The following COL7A1 variants were observed in gnomAD, a reference collection of about 807,000 sequenced individuals.
COL7A1 encodes the protein collagen alpha-1(VII) chain.
In COL7A1, 296 loss-of-function variants were observed where a neutral mutation model predicts 456.2. The observed-to-expected ratio is 0.65, with a 90% confidence interval of 0.59 to 0.71. The LOEUF is 0.71. Ranked by LOEUF, COL7A1 falls within the 30% of genes least tolerant of loss-of-function variation. The pLI, the probability that COL7A1 is intolerant of heterozygous loss-of-function variation, is 0.00. For missense variants in COL7A1, 3,441 were observed against 4,017.2 expected (o/e 0.86, Z 3.88); for synonymous variants, 1,464 against 1,525.9 (o/e 0.96, Z 0.95).
Position 48,573,482 on chromosome 3 carries a change from C to T in COL7A1, c.6618+31G>A. 6.2e-7 allele frequency: 1 copy of T among 1,613,792 alleles called. No homozygotes were observed. The highest frequency in any genetic ancestry group is 1.1e-5 in the South Asian group (1 of 91,078). On this transcript the variant is annotated intron_variant, in intron 83 of 118. Transcript: ENST00000681320. This position sits in a 1 kb window ranked among gnomAD's most constrained non-coding sequence, Gnocchi z 5.5. Reference sequence around the variant, plus strand: ...AGGCATGGACACAGCTTGAAGGAGCCTCCTCCTCCTATCCACACACCTAGA... The same window carrying T: ...AGGCATGGACACAGCTTGAAGGAGCTTCCTCCTCCTATCCACACACCTAGA...
At chr3:48,577,435 C>T (rs923207741) in intron 65 of COL7A1, among the ~76,000 whole-genome samples, 3 of 152,226 alleles carry the variant, frequency 2.0e-5, no homozygotes, top group East Asian at 1.9e-4. Flanking sequence ...ATACATGTCT[C>T]CAAAGAGCAT....
chr3:48,588,324 C>A lies in COL7A1; in HGVS notation c.2668G>T (p.Val890Leu), dbSNP rs1311321296. 1.2e-6 allele frequency: 2 copies of A among 1,612,788 alleles called. No individual in the cohort carries two copies. Among genetic ancestry groups the A allele is most frequent in the Non-Finnish European group, 1.7e-6 (2 of 1,180,012 alleles). The change falls in exon 21 of 119, where the codon GTG becomes TTG. Residue 890 changes from valine to leucine, a missense_variant. Val to Leu is a conservative substitution (Grantham distance 32). Around this residue, in one of 3 missense-constraint regions of COL7A1, gnomAD observed 444 missense variants for 427.6 expected, o/e 1.04. Coordinates refer to ENST00000681320, the MANE Select transcript of COL7A1 (RefSeq NM_000094.4). The surrounding 1 kb of genome is among the most constrained non-coding windows in gnomAD (Gnocchi z 4.6). ...EHSLRLRWEP[V>L]PRAQGFLLHW... ...AGAAGGAAGCCCTGCGCTCTGGGCA[C>A]CGGCTCCCAGCGCAGCCTCAGCGAG...
rs1203236480 is a variant in COL7A1 at position 48,566,639 on chromosome 3, A to C, written c.8304+21T>G. 1.9e-6 allele frequency: 3 copies of C among 1,614,128 alleles called. No individual in the cohort carries two copies. Among genetic ancestry groups the C allele is most frequent in the Non-Finnish European group, 2.5e-6 (3 of 1,179,994 alleles). On this transcript the variant is annotated intron_variant, in intron 112 of 118. Coordinates refer to ENST00000681320, the MANE Select transcript of COL7A1 (RefSeq NM_000094.4). The surrounding 1 kb of genome is among the most constrained non-coding windows in gnomAD (Gnocchi z 5.9). ...AGAAGTCACCCCGATCTCTGACCCA[A>C]GCCTTGGAATCCCTACTCACCTGCT...
In COL7A1 at chr3:48,573,928, C is replaced by T. The variant is rs1362579783; in HGVS notation, c.6502-38G>A. The T allele has an allele frequency of 1.2e-6, 2 of 1,611,046 alleles. No homozygotes were observed. The highest frequency in any genetic ancestry group is 1.7e-6 in the Non-Finnish European group (2 of 1,179,272). On this transcript the variant is annotated intron_variant, in intron 80 of 118. Coordinates refer to ENST00000681320, the MANE Select transcript of COL7A1 (RefSeq NM_000094.4). This position sits in a 1 kb window ranked among gnomAD's most constrained non-coding sequence, Gnocchi z 5.5. ...GGCACTGATGAGCCTCAATCTGGGC[C>T]TCACTTGGGCCTGTTCCCAACCTCT...
chr3:48,591,854 C>T lies in COL7A1; in HGVS notation c.1358-32G>A, dbSNP rs1172659769. The T allele has an allele frequency of 6.2e-7, 1 of 1,614,192 alleles. No individual in the cohort carries two copies. Among genetic ancestry groups the T allele is most frequent in the South Asian group, 1.1e-5 (1 of 91,080 alleles). ...GATAACAGGGTCAGACCAGCAGAGGCCATGCCCTGACCCTTGCCTGTCCAT... is the reference window on the plus strand; with the variant it reads ...GATAACAGGGTCAGACCAGCAGAGGTCATGCCCTGACCCTTGCCTGTCCAT... On this transcript the variant is annotated intron_variant, in intron 11 of 118. Coordinates refer to ENST00000681320, the MANE Select transcript of COL7A1 (RefSeq NM_000094.4). This position sits in a 1 kb window ranked among gnomAD's most constrained non-coding sequence, Gnocchi z 7.0.
Position 48,569,572 on chromosome 3 carries a change from C to A in COL7A1, c.7614+20G>T, listed in dbSNP as rs544920947. On this transcript the variant is annotated intron_variant, in intron 102 of 118. Transcript: ENST00000681320. This position sits in a 1 kb window ranked among gnomAD's most constrained non-coding sequence, Gnocchi z 4.9. The stretch of plus-strand genomic sequence containing the variant: ...CTCTCGCACCCAGGGGAGACCCAGT[C>A]CACACGTGGGCCCACTCACCATGTC... The A allele has an allele frequency of 4.4e-5, 71 of 1,613,736 alleles. No homozygotes were observed. The East Asian group carries it at 1.4e-3, about 33-fold the overall frequency.
chr3:48,565,378 C>T lies in COL7A1; in HGVS notation c.8527+32G>A, dbSNP rs1045246092. ...CCCATGTGCGTGTCTCGGCCCCACC[C>T]ATAGCTGCCCCACGGGTTCAGCTGT... On this transcript the variant is annotated intron_variant, in intron 116 of 118. Coordinates refer to ENST00000681320, the MANE Select transcript of COL7A1 (RefSeq NM_000094.4). The surrounding 1 kb of genome is among the most constrained non-coding windows in gnomAD (Gnocchi z 4.5). The T allele has an allele frequency of 6.3e-7, 1 of 1,582,986 alleles. No homozygotes were observed. Among genetic ancestry groups the T allele is most frequent in the Non-Finnish European group, 8.6e-7 (1 of 1,163,876 alleles).
chr3:48,593,423 C>T lies in COL7A1; in HGVS notation c.453G>A (p.Lys151=). 1 of 1,614,130 alleles carries T rather than the reference C, an allele frequency of 6.2e-7. No individual in the cohort carries two copies. The highest frequency in any genetic ancestry group is 8.5e-7 in the Non-Finnish European group (1 of 1,180,044). ...PKVCILITDG[K]SQDLVDTAAQ... is the part of the protein sequence containing the mutation. ...CAGCTGTGTCCACCAGGTCCTGGGA[C>T]TTCCCGTCTGTGATCAGGATGCAGA... is the stretch of plus-strand genomic sequence containing the variant. The change falls in exon 5 of 119, where the codon AAG becomes AAA. Residue 151 remains lysine, a synonymous_variant. Transcript: ENST00000681320. This position sits in a 1 kb window ranked among gnomAD's most constrained non-coding sequence, Gnocchi z 4.4.
Position 48,594,649 on chromosome 3 carries a change from C to T in COL7A1, c.86-101G>A. ...GACTTGGGATGGTGGGGAGAGTAGG[C>T]CTCATCTTATGCAAACCAGGGCCGA... is the stretch of plus-strand genomic sequence containing the variant. On this transcript the variant is annotated intron_variant, in intron 2 of 118. Coordinates refer to ENST00000681320, the MANE Select transcript of COL7A1 (RefSeq NM_000094.4). This position sits in a 1 kb window ranked among gnomAD's most constrained non-coding sequence, Gnocchi z 5.5. 2 of 1,387,810 alleles carry T rather than the reference C, an allele frequency of 1.4e-6. No individual in the cohort carries two copies. The highest frequency in any genetic ancestry group is 2.0e-6 in the Non-Finnish European group (2 of 1,019,014). The allele number at this position is 1,387,810 out of a possible 1,614,324, so 86.0% of individuals were successfully genotyped here. A position where few individuals can be genotyped will look rare whatever the true frequency, so the allele number is the denominator to read the frequency against.
Position 48,581,626 on chromosome 3 carries a change from G to A in COL7A1, c.4729C>T (p.Pro1577Ser). The A allele has an allele frequency of 6.2e-7, 1 of 1,614,186 alleles. No individual in the cohort carries two copies. Among genetic ancestry groups the A allele is most frequent in the Non-Finnish European group, 8.5e-7 (1 of 1,180,038 alleles). Reference protein sequence around the residue: ...ATGVQGERGPPGLVLPGDPGP... With the variant: ...ATGVQGERGPSGLVLPGDPGP... ...GGGTCTCCAGGAAGAACCAAGCCGG[G>A]TGGGCCCTGTGGATGGAAGGATAAG... is the stretch of plus-strand genomic sequence containing the variant. Residue 1577 changes from proline to serine, a missense_variant, in exon 50 of 119, where the codon CCC becomes TCC. Pro to Ser is a moderately conservative substitution (Grantham distance 74). Transcript: ENST00000681320. The surrounding 1 kb of genome is among the most constrained non-coding windows in gnomAD (Gnocchi z 5.8).
In COL7A1 at chr3:48,586,905, T is replaced by C; in HGVS notation, c.3276+67A>G. ...AACCTATTGGGTGGTCAGGAGATGGTAACTGGTATGGAGCCTGGGTGGGGG... is the reference window on the plus strand; with the variant it reads ...AACCTATTGGGTGGTCAGGAGATGGCAACTGGTATGGAGCCTGGGTGGGGG... On this transcript the variant is annotated intron_variant, in intron 25 of 118. Coordinates refer to ENST00000681320, the MANE Select transcript of COL7A1 (RefSeq NM_000094.4). The surrounding 1 kb of genome is among the most constrained non-coding windows in gnomAD (Gnocchi z 5.1). The C allele has an allele frequency of 1.3e-6, 2 of 1,553,080 alleles. No individual in the cohort carries two copies. Among genetic ancestry groups the C allele is most frequent in the South Asian group, 1.2e-5 (1 of 84,246 alleles).
At position 48,593,054 on chromosome 3, in the gene COL7A1, T is replaced by C. The variant is rs773878366; in HGVS notation, c.682+48A>G. 6.2e-7 allele frequency: 1 copy of C among 1,613,686 alleles called. No homozygotes were observed. Among genetic ancestry groups the C allele is most frequent in the African/African-American group, 1.3e-5 (1 of 74,850 alleles). ...GGAATCAGCACTGCCAAGTGGGGAT[T>C]GGGGTCCGGGGTCTAGGTCAGGGTA... On this transcript the variant is annotated intron_variant, in intron 6 of 118. Coordinates refer to ENST00000681320, the MANE Select transcript of COL7A1 (RefSeq NM_000094.4). This position sits in a 1 kb window ranked among gnomAD's most constrained non-coding sequence, Gnocchi z 4.4.
chr3:48,566,701 C>G lies in COL7A1; in HGVS notation c.8263G>C (p.Ala2755Pro), dbSNP rs1280437374. 6.2e-7 allele frequency: 1 copy of G among 1,613,820 alleles called. No individual in the cohort carries two copies. The highest frequency in any genetic ancestry group is 1.3e-5 in the African/African-American group (1 of 74,872). ...CCAGGAGCTCCAGGGACCCCAGGAG[C>G]CCCCACCACTCTCTCTCCGGGGGGA... ...RGPPGERVVG[A>P]PGVPGAPGER... Residue 2755 changes from alanine to proline, a missense_variant, in exon 112 of 119, where the codon GCT (alanine) becomes CCT (proline). Physicochemically the swap from Ala to Pro is conservative, Grantham distance 27. Around this residue, in one of 3 missense-constraint regions of COL7A1, gnomAD observed 2,084 missense variants for 2,501.3 expected, o/e 0.83. Coordinates refer to ENST00000681320, the MANE Select transcript of COL7A1 (RefSeq NM_000094.4). The surrounding 1 kb of genome is among the most constrained non-coding windows in gnomAD (Gnocchi z 5.9).
At chr3:48,582,007 T>C (rs2044795692) in intron 47 of COL7A1, 64 bp from the exon 48 acceptor site, 5 of 1,608,262 alleles carry the variant, frequency 3.1e-6, no homozygotes, top group Admixed American at 3.3e-5. Context: ...AAAGTCTTCA[T>C]TGGAATGGAG....
rs1407550359 is a variant in COL7A1, at chr3:48,566,136, CAT to C, written c.8407+129_8407+130del. 9.7e-5 allele frequency: 94 copies of C among 964,770 alleles called. No individual in the cohort carries two copies. Among genetic ancestry groups the C allele is most frequent in the Non-Finnish European group, 1.4e-4 (85 of 619,746 alleles). 59.8% of individuals were successfully genotyped at this position (964,770 alleles called of 1,614,324 possible). A position where few individuals can be genotyped will look rare whatever the true frequency, so the allele number is the denominator to read the frequency against. On this transcript the variant is annotated intron_variant, in intron 114 of 118. Coordinates refer to ENST00000681320, the MANE Select transcript of COL7A1 (RefSeq NM_000094.4). The surrounding 1 kb of genome is among the most constrained non-coding windows in gnomAD (Gnocchi z 5.9). ...CATGTCATGTGTCAGTCCTGCAGCA[CAT>C]GTGTCCTTCTGTGTATCCATCCATC...
Position 48,568,933 on chromosome 3 carries a change from T to C in COL7A1, c.7687-78A>G. 7.1e-7 allele frequency: 1 copy of C among 1,417,250 alleles called. No individual in the cohort carries two copies. Among genetic ancestry groups the C allele is most frequent in the Non-Finnish European group, 9.7e-7 (1 of 1,028,180 alleles). The allele number at this position is 1,417,250 out of a possible 1,614,324, so 87.8% of individuals were successfully genotyped here. A position where few individuals can be genotyped will look rare whatever the true frequency, so the allele number is the denominator to read the frequency against. On this transcript the variant is annotated intron_variant, in intron 103 of 118. Coordinates refer to ENST00000681320, the MANE Select transcript of COL7A1 (RefSeq NM_000094.4). This position sits in a 1 kb window ranked among gnomAD's most constrained non-coding sequence, Gnocchi z 5.2. ...CTTAGAATACAACGAGCCCGCCAGCTGGGGCAGAGCTCAAGTCACTCCCGA... is the reference window on the plus strand; with the variant it reads ...CTTAGAATACAACGAGCCCGCCAGCCGGGGCAGAGCTCAAGTCACTCCCGA...
rs750288565 is a variant in COL7A1 at position 48,584,532 on chromosome 3, C to T, written c.4072G>A (p.Gly1358Ser). The T allele has an allele frequency of 6.2e-7, 1 of 1,614,124 alleles. No homozygotes were observed. Among genetic ancestry groups the T allele is most frequent in the Non-Finnish European group, 8.5e-7 (1 of 1,180,002 alleles). The change falls in exon 36 of 119, where the codon GGT becomes AGT. Residue 1358 changes from glycine to serine, a missense_variant. This residue lies in a region of COL7A1 where 2,084 missense variants were observed against 2,501.3 expected (regional missense o/e 0.83). Transcript: ENST00000681320. ...CGCCCAGGAAGCCCAGGTCCTTCAC[C>T]TCCGATGACTTGTCCGGGAGCCCCC... The part of the protein sequence containing the change: ...EPGAPGQVIG[G>S]EGPGLPGRKG...
rs202093558 is a variant in COL7A1 at position 48,593,320 on chromosome 3, C to T, written c.520+36G>A. On this transcript the variant is annotated intron_variant, in intron 5 of 118. Coordinates refer to ENST00000681320, the MANE Select transcript of COL7A1 (RefSeq NM_000094.4). The surrounding 1 kb of genome is among the most constrained non-coding windows in gnomAD (Gnocchi z 4.4). ...CCACATGCTCTCTGACTGCCCCCACCCCCCAGCTGACCTGTCACTCCTGCT... is the reference window on the plus strand; with the variant it reads ...CCACATGCTCTCTGACTGCCCCCACTCCCCAGCTGACCTGTCACTCCTGCT... 5.6e-5 allele frequency: 91 copies of T among 1,613,950 alleles called. No individual in the cohort carries two copies. In the African/African-American group the frequency reaches 1.1e-3, roughly 20 times the overall value.
Position 48,568,945 on chromosome 3 carries a change from C to T in COL7A1, c.7687-90G>A. 1 of 1,309,756 alleles carries T rather than the reference C, an allele frequency of 7.6e-7. No homozygotes were observed. The highest frequency in any genetic ancestry group is 1.5e-5 in the African/African-American group (1 of 68,440). 81.1% of individuals were successfully genotyped at this position (1,309,756 alleles called of 1,614,324 possible). A position where few individuals can be genotyped will look rare whatever the true frequency, so the allele number is the denominator to read the frequency against. ...CGAGCCCGCCAGCTGGGGCAGAGCT[C>T]AAGTCACTCCCGAACGGCCCTAGCA... On this transcript the variant is annotated intron_variant, in intron 103 of 118. Transcript: ENST00000681320. This position sits in a 1 kb window ranked among gnomAD's most constrained non-coding sequence, Gnocchi z 5.2.
Sources: gnomAD v4.1 joint callset for allele counts (sites outside exome capture counted in the v4.1 genomes callset) on GRCh38, gnomAD v4.1.1 for gene constraint, gnomAD v4.1.1 regional missense constraint, Gnocchi (gnomAD v3.1) non-coding constraint, MANE v1.5 for transcripts, NCBI Gene and HGNC (gene_info 2026-07-23, HGNC 2026-07-21) for gene names.